TNRC6B: variants seen among roughly 807,000 people sequenced by gnomAD.
TNRC6B encodes the protein trinucleotide repeat-containing gene 6B protein.
In TNRC6B, 52 loss-of-function variants were observed where a neutral mutation model predicts 203.6. The ratio of observed to expected loss-of-function variants is 0.26; its 90% CI spans 0.20 to 0.32. The LOEUF is 0.32. Among genes scored for constraint, TNRC6B ranks in the 10% least tolerant of loss-of-function variants. The pLI, the probability that TNRC6B is intolerant of heterozygous loss-of-function variation, is 1.00. For synonymous variants in TNRC6B, 838 were observed against 845.7 expected (o/e 0.99, Z 0.16); for missense variants, 1,923 against 2,286.2 (o/e 0.84, Z 3.24).
At chr22:40,221,285 C>G (rs897219102) in intron 1 of TNRC6B, among the ~76,000 whole-genome samples, 3 of 152,088 alleles carry the variant, frequency 2.0e-5, no homozygotes, top group Admixed American at 6.5e-5. Flanking sequence ...AGATAGATCT[C>G]GACTGTCTAG....
At chr22:40,078,172 C>A (rs1206716105) in intron 1 of TNRC6B, among the ~76,000 whole-genome samples, 1 of 152,154 alleles carries the variant, frequency 6.6e-6, no homozygotes, top group East Asian at 1.9e-4. Context: ...CATGAAGCAT[C>A]CATACTACTG....
At chr22:40,130,782 A>C (rs1411499659) in intron 3 of TNRC6B, among the ~76,000 whole-genome samples, 7 of 148,300 alleles carry the variant, frequency 4.7e-5, no homozygotes, top group African/African-American at 1.5e-4. Context: ...CTCCGTCTAA[A>C]AAAAAAAAAA....
intron 7 of TNRC6B, among the ~76,000 whole-genome samples, chr22:40,276,681 G>A (rs2070649393): frequency 6.6e-6 from 1 of 152,166 alleles, no homozygotes; most frequent in African/African-American, 2.4e-5. Context: ...CTTTCCAAAT[G>A]ACACGCACTG....
Position 40,328,674 on chromosome 22 carries a change from A to C in TNRC6B, c.*5433A>C, listed in dbSNP as rs1055053087. On this transcript the variant is annotated 3_prime_UTR_variant, in exon 23 of 23. Coordinates refer to ENST00000454349, the MANE Select transcript of TNRC6B (RefSeq NM_001162501.2). ...TCTAAAACAGAATGAAAATGTCTGC[A>C]TGCTGAGCAAAATGCTTACGCCAAG... 3 of 152,220 alleles carry C rather than the reference A, an allele frequency of 2.0e-5. No homozygotes were observed. Among genetic ancestry groups the C allele is most frequent in the Non-Finnish European group, 2.9e-5 (2 of 68,044 alleles). 9.4% of individuals were successfully genotyped at this position (152,220 alleles called of 1,614,324 possible).
upstream of TNRC6B, among the ~76,000 whole-genome samples, chr22:40,173,476 G>T (rs1340823907): frequency 2.0e-5 from 3 of 147,128 alleles, no homozygotes; most frequent in African/African-American, 7.6e-5. Context: ...CAACAAAACA[G>T]ATATATATAT....
At chr22:40,078,338 A>AT (rs761959938) in intron 1 of TNRC6B, among the ~76,000 whole-genome samples, 39 of 152,082 alleles carry the variant, frequency 2.6e-4, no homozygotes, top group Middle Eastern at 3.2e-3. Flanking sequence ...CCTGGGCAAC[A>AT]TAGGGAGAGA....
At chr22:40,173,957 C>G (rs927582135), upstream of TNRC6B, among the ~76,000 whole-genome samples, 4 of 150,780 alleles carry the variant, frequency 2.7e-5, no homozygotes, top group African/African-American at 9.7e-5. Context: ...GCAGGTACCA[C>G]CATGCCCAGC....
At chr22:40,092,980 A>G (rs1187243687) in intron 1 of TNRC6B, among the ~76,000 whole-genome samples, 2 of 152,260 alleles carry the variant, frequency 1.3e-5, no homozygotes, top group Non-Finnish European at 2.9e-5. Flanking sequence ...CAACTGGTGT[A>G]TGCCACTATA....
intron 12 of TNRC6B, 80 bp from the exon 13 acceptor site, chr22:40,300,375 C>A (rs1001560240): frequency 2.2e-6 from 3 of 1,357,572 alleles, no homozygotes; most frequent in Non-Finnish European, 2.9e-6. Flanking sequence ...CATCAAGATT[C>A]TTTTCACAGA....
At chr22:40,067,924 AC>A (rs1244626433) in intron 1 of TNRC6B, among the ~76,000 whole-genome samples, 1 of 152,166 alleles carries the variant, frequency 6.6e-6, no homozygotes, top group African/African-American at 2.4e-5. Context: ...TCAAGTTGAT[AC>A]CTAAAATTAA....
At chr22:40,075,842 T>C (rs2068008880) in intron 1 of TNRC6B, among the ~76,000 whole-genome samples, 1 of 152,226 alleles carries the variant, frequency 6.6e-6, no homozygotes, top group Non-Finnish European at 1.5e-5. Context: ...CTTAAAATAA[T>C]ATGCCACTTC....
chr22:40,288,071 T>A (rs2070811339), intron 12 of TNRC6B, among the ~76,000 whole-genome samples: 2 of 152,218 alleles, frequency 1.3e-5, no homozygotes, highest in Non-Finnish European at 2.9e-5. Flanking sequence ...AATAATTAGT[T>A]AGAGCTTGTT....
At chr22:40,065,879 G>A (rs1210812469) in intron 1 of TNRC6B, among the ~76,000 whole-genome samples, 2 of 152,054 alleles carry the variant, frequency 1.3e-5, no homozygotes, top group South Asian at 2.1e-4. Flanking sequence ...TCCTGGCCCC[G>A]TGTGAGTTCC....
At chr22:40,154,860 A>AATATATATATAT (rs71199273) in intron 3 of TNRC6B, among the ~76,000 whole-genome samples, 17 of 23,580 alleles carry the variant, frequency 7.2e-4, no homozygotes, top group Admixed American at 3.0e-3. Context: ...AAAAAAAAAA[A>AATATATATATAT]ATATATATAT....
At chr22:40,088,654 C>T (rs867898195) in intron 1 of TNRC6B, among the ~76,000 whole-genome samples, 1 of 143,702 alleles carries the variant, frequency 7.0e-6, no homozygotes, top group Non-Finnish European at 1.5e-5. Context: ...GGGGCTTCAC[C>T]ATGTTGGTCA....
At chr22:40,079,533 AT>A (rs1190139730) in intron 1 of TNRC6B, among the ~76,000 whole-genome samples, 1 of 151,814 alleles carries the variant, frequency 6.6e-6, no homozygotes, top group African/African-American at 2.4e-5. Context: ...TGTTTTAAAA[AT>A]AATTATTTTA....
At chr22:40,097,464 C>T (rs1003742103) in intron 1 of TNRC6B, among the ~76,000 whole-genome samples, 1 of 152,130 alleles carries the variant, frequency 6.6e-6, no homozygotes, top group Non-Finnish European at 1.5e-5. Flanking sequence ...TGCCACCACA[C>T]GCGGCCAATT....
intron 1 of TNRC6B, among the ~76,000 whole-genome samples, chr22:40,239,967 A>G (rs1003256081): frequency 3.3e-5 from 5 of 151,942 alleles, no homozygotes; most frequent in African/African-American, 1.2e-4. Flanking sequence ...CCTCCCAAGC[A>G]GCTGGGTAGC....
chr22:40,080,060 G>T (rs2068052231), intron 1 of TNRC6B, among the ~76,000 whole-genome samples: 1 of 147,420 alleles, frequency 6.8e-6, no homozygotes, highest in Admixed American at 6.8e-5. Flanking sequence ...CTCCCAAAGT[G>T]TTGGGATTAC....
Sources: allele counts gnomAD v4.1 joint callset (sites outside exome capture counted in the v4.1 genomes callset), GRCh38; gene constraint gnomAD v4.1.1; transcripts MANE v1.5; gene names NCBI Gene and HGNC (gene_info 2026-07-23, HGNC 2026-07-21).